Variants in ATP2B1 observed in about 807,000 individuals in gnomAD.
The protein encoded by ATP2B1 is ATPase plasma membrane Ca2+ transporting 1, also known as plasma membrane calcium-transporting ATPase 1.
A neutral mutation model predicts 124.2 loss-of-function variants in ATP2B1; 14 were observed. The ratio of observed to expected loss-of-function variants is 0.11; its 90% confidence interval spans 0.07 to 0.18. ATP2B1 has a LOEUF of 0.18. ATP2B1 is among the 10% of genes least tolerant of loss of function. The probability of loss-of-function intolerance (pLI) is 1.00; values close to 1 mark genes in which losing one functional copy is unlikely to be tolerated. For synonymous variants in ATP2B1, 449 were observed against 492.4 expected, an observed-to-expected ratio of 0.91 and a Z score of 1.17; for missense variants, 763 against 1,466.1, an observed-to-expected ratio of 0.52 and a Z score of 7.83.
intron 20 of ATP2B1, among the ~76,000 whole-genome samples, chr12:89,592,412 C>A (rs138806007): frequency 3.3e-5 from 5 of 151,982 alleles, no homozygotes; most frequent in Non-Finnish European, 7.4e-5. Flanking sequence ...TCTCTTTAGA[C>A]AGCAATAATG....
chr12:89,603,643 T>A lies in ATP2B1; in HGVS notation c.2848+69A>T, dbSNP rs1381054268. 1 of 1,499,580 alleles carries A rather than the reference T, an allele frequency of 6.7e-7. No homozygotes were observed. Among genetic ancestry groups the A allele is most frequent in the Admixed American group, 1.7e-5 (1 of 57,436 alleles). The allele number at this position is 1,499,580 out of a possible 1,614,324, so 92.9% of individuals were successfully genotyped here. On this transcript the variant is annotated intron_variant, in intron 17 of 20. Transcript: ENST00000428670. The surrounding 1 kb of genome is among the most constrained non-coding windows in gnomAD (Gnocchi z 4.3). ...AGGCTCTTGAAAATTTGTAACATTA[T>A]AACATCTTGGATGATTAGCTTGGAA...
At chr12:89,652,772 C>CT (rs1565874657) in intron 2 of ATP2B1, among the ~76,000 whole-genome samples, 1 of 152,164 alleles carries the variant, frequency 6.6e-6, no homozygotes, top group African/African-American at 2.4e-5. Flanking sequence ...GGGTCTCCCT[C>CT]TGTTACCCAG....
intron 5 of ATP2B1, among the ~76,000 whole-genome samples, chr12:89,632,981 G>A (rs1459009069): frequency 6.6e-6 from 1 of 152,140 alleles, no homozygotes; most frequent in Non-Finnish European, 1.5e-5. Flanking sequence ...TAAGTGAGAT[G>A]TACATAAAAG....
intron 1 of ATP2B1, among the ~76,000 whole-genome samples, chr12:89,701,257 C>G (rs1891820062): frequency 1.3e-5 from 2 of 152,188 alleles, no homozygotes; most frequent in Admixed American, 1.3e-4. Flanking sequence ...TTCTTCAAAA[C>G]TCAGCATTAC....
At chr12:89,694,355 CCTT>C (rs1890880453) in intron 1 of ATP2B1, among the ~76,000 whole-genome samples, 1 of 152,202 alleles carries the variant, frequency 6.6e-6, no homozygotes, top group African/African-American at 2.4e-5. Flanking sequence ...ACCTCAAACT[CCTT>C]CTGTGCATGT....
rs889205666 is a variant in ATP2B1 at position 89,603,966 on chromosome 12, C to A, written c.2635-41G>T. On this transcript the variant is annotated intron_variant, in intron 16 of 20. Transcript: ENST00000428670. The surrounding 1 kb of genome is among the most constrained non-coding windows in gnomAD (Gnocchi z 4.3). ...TTCCTAATAGACATTCACAACTACTCAGGGGCTCAGCAATTCTCAGGAAAC... is the reference window on the plus strand; with the variant it reads ...TTCCTAATAGACATTCACAACTACTAAGGGGCTCAGCAATTCTCAGGAAAC... The A allele has an allele frequency of 6.3e-7, 1 of 1,585,088 alleles. No individual in the cohort carries two copies. Among genetic ancestry groups the A allele is most frequent in the African/African-American group, 1.4e-5 (1 of 74,036 alleles).
chr12:89,633,846 A>G (rs1042762826), intron 5 of ATP2B1, among the ~76,000 whole-genome samples: 7 of 152,110 alleles, frequency 4.6e-5, no homozygotes, highest in Non-Finnish European at 1.0e-4. Flanking sequence ...GGCTTTCCCA[A>G]AACTCTAGTA....
intron 9 of ATP2B1, 69 bp downstream of exon 9, chr12:89,624,114 A>G: frequency 7.3e-7 from 1 of 1,367,236 alleles, no homozygotes; most frequent in Non-Finnish European, 1.0e-6. Flanking sequence ...AGGAGTAACT[A>G]GATGGGCATT....
intron 20 of ATP2B1, among the ~76,000 whole-genome samples, chr12:89,598,065 C>CAAAAAAAAAAAAA (rs1565797438): frequency 1.8e-4 from 9 of 49,678 alleles, no homozygotes; most frequent in East Asian, 5.4e-4. Flanking sequence ...AAAAAAAAAT[C>CAAAAAAAAAAAAA]AAAGCAAGGC....
At chr12:89,703,603 G>C (rs1162420524) in intron 1 of ATP2B1, among the ~76,000 whole-genome samples, 1 of 151,918 alleles carries the variant, frequency 6.6e-6, no homozygotes. Context: ...TATAAACTCT[G>C]GTGTCTAAGT....
intron 1 of ATP2B1, among the ~76,000 whole-genome samples, chr12:89,687,852 T>C (rs1484049861): frequency 2.0e-5 from 3 of 152,092 alleles, no homozygotes; most frequent in Non-Finnish European, 4.4e-5. Context: ...CATTAAAACA[T>C]ATCCAAGAAT....
intron 1 of ATP2B1, among the ~76,000 whole-genome samples, chr12:89,658,030 A>G (rs1304577107): frequency 6.6e-6 from 1 of 152,222 alleles, no homozygotes; most frequent in African/African-American, 2.4e-5. Context: ...CACATCAATT[A>G]TAATAATAAT....
Position 89,635,732 on chromosome 12 carries a change from C to T in ATP2B1, c.407-481G>A, listed in dbSNP as rs142565747. 9.8e-5 allele frequency among the ~76,000 whole-genome samples: 15 copies of T among 152,296 alleles called. No individual in the cohort carries two copies. In the East Asian group the frequency reaches 2.7e-3, roughly 27 times the overall value. Reference sequence around the variant, plus strand: ...AGATATACATGAGAAGTTAGTATTACGTGAAACCCATGAATCATGCTTATT... The same window carrying T: ...AGATATACATGAGAAGTTAGTATTATGTGAAACCCATGAATCATGCTTATT... On this transcript the variant is annotated intron_variant, in intron 3 of 20. Coordinates refer to ENST00000428670, the MANE Select transcript of ATP2B1 (RefSeq NM_001366521.1).
At chr12:89,634,677 T>C in intron 5 of ATP2B1, 101 bp downstream of exon 5, 1 of 1,255,536 alleles carries the variant, frequency 8.0e-7, no homozygotes. Flanking sequence ...AAAATACAGA[T>C]TCCTCTTTAT....
At position 89,603,571 on chromosome 12, in the gene ATP2B1, T is replaced by C; in HGVS notation, c.2848+141A>G. 5.7e-6 allele frequency: 5 copies of C among 871,366 alleles called. No individual in the cohort carries two copies. The allele number at this position is 871,366 out of a possible 1,614,324, so 54.0% of individuals were successfully genotyped here. On this transcript the variant is annotated intron_variant, in intron 17 of 20. Transcript: ENST00000428670. The surrounding 1 kb of genome is among the most constrained non-coding windows in gnomAD (Gnocchi z 4.3). ...CCTCCCAAATTTACTAAGCACTCAC[T>C]GATTAAGAAGAAATTAAAGATAAAT...
intron 2 of ATP2B1, among the ~76,000 whole-genome samples, chr12:89,651,761 C>A (rs570824567): frequency 6.6e-6 from 1 of 152,242 alleles, no homozygotes; most frequent in African/African-American, 2.4e-5. Flanking sequence ...AGGTAACATA[C>A]AATGCAGTGG....
chr12:89,640,986 A>C (rs1289173865), intron 3 of ATP2B1, among the ~76,000 whole-genome samples: 1 of 152,234 alleles, frequency 6.6e-6, no homozygotes, highest in Admixed American at 6.5e-5. Flanking sequence ...ACAGACTAAC[A>C]TAATTACCTT....
rs1163228653 is a variant in ATP2B1 at position 89,630,525 on chromosome 12, T to A, written c.908A>T (p.Glu303Val). 2 of 1,572,220 alleles carry A rather than the reference T, an allele frequency of 1.3e-6. No homozygotes were observed. The highest frequency in any genetic ancestry group is 3.7e-5 in the Admixed American group (2 of 53,518). The change falls in exon 6 of 21, where the codon GAG becomes GTG. Residue 303 changes from glutamate (E) to valine (V), a missense_variant. By Grantham distance (121) the Glu-to-Val change is moderately radical. This residue lies in a region of ATP2B1 where 392 missense variants were observed against 776.6 expected (regional missense o/e 0.50). Transcript: ENST00000428670. The stretch of plus-strand genomic sequence containing the variant: ...CTTACTTTTCTTTTCCTTTTTCTTC[T>A]CATCTTTCTTCTCTTCCTCTTCACC... ...AGGEEEEKKD[E>V]KKKEKKNKKQ... is the part of the protein sequence containing the mutation.
intron 1 of ATP2B1, among the ~76,000 whole-genome samples, chr12:89,697,325 A>G (rs1891259882): frequency 6.6e-6 from 1 of 152,194 alleles, no homozygotes; most frequent in South Asian, 2.1e-4. Flanking sequence ...ATTGTTCTAT[A>G]TAATAAAGAA....
Sources: allele counts gnomAD v4.1 joint callset (sites outside exome capture counted in the v4.1 genomes callset), GRCh38; gene constraint gnomAD v4.1.1; regional missense constraint gnomAD v4.1.1; non-coding constraint Gnocchi (gnomAD v3.1); transcripts MANE v1.5; gene names NCBI Gene and HGNC (gene_info 2026-07-23, HGNC 2026-07-21).